Variants in GXYLT2 observed in about 807,000 individuals in gnomAD.
GXYLT2 encodes glucoside xylosyltransferase 2.
GXYLT2 carries 53 observed loss-of-function variants against 45.8 expected under a neutral mutation model. The observed-to-expected ratio is 1.16, with a 90% CI of 0.93 to 1.46. The LOEUF is 1.46. Among genes scored for constraint, GXYLT2 ranks in the 40% most tolerant of loss-of-function variants. GXYLT2 has a pLI of 0.00. For missense variants in GXYLT2, 551 were observed against 544.4 expected (o/e 1.01, Z -0.12); for synonymous variants, 219 against 214.2 (o/e 1.02, Z -0.19).
intron 6 of GXYLT2, among the ~76,000 whole-genome samples, chr3:72,971,965 G>C (rs1575820939): frequency 6.7e-6 from 1 of 149,080 alleles, no homozygotes; most frequent in Admixed American, 6.7e-5. Flanking sequence ...AAAAAAAAAA[G>C]ATATAAGGAA....
At chr3:72,949,636 G>A (rs544250634) in intron 3 of GXYLT2, among the ~76,000 whole-genome samples, 14 of 149,244 alleles carry the variant, frequency 9.4e-5, no homozygotes, top group African/African-American at 2.2e-4. Flanking sequence ...CTCAGCCTCC[G>A]GAGTAGCTGA....
intron 6 of GXYLT2, among the ~76,000 whole-genome samples, chr3:72,971,854 TAGG>T (rs71623995): frequency 0.4 from 59,665 of 150,018 alleles, 14,538 homozygotes; most frequent in Non-Finnish European, 0.54. Context: ...GAGGCTGAGG[TAGG>T]AGAATGGCTT....
chr3:72,947,536 A>T (rs887071663), intron 3 of GXYLT2, among the ~76,000 whole-genome samples: 4 of 152,186 alleles, frequency 2.6e-5, no homozygotes, highest in African/African-American at 9.7e-5. Flanking sequence ...ACAGTGGCTC[A>T]CACCTGTAAT....
At chr3:72,964,143 AAATGTTTTTCTAAC>A (rs1211287538) in intron 5 of GXYLT2, among the ~76,000 whole-genome samples, 1 of 151,830 alleles carries the variant, frequency 6.6e-6, no homozygotes, top group Non-Finnish European at 1.5e-5. Context: ...AATCGAGGTG[AAATGTTTTTCTAAC>A]TTACCACGAT....
At chr3:72,894,540 T>C (rs1709246021) in intron 1 of GXYLT2, among the ~76,000 whole-genome samples, 1 of 152,232 alleles carries the variant, frequency 6.6e-6, no homozygotes, top group Non-Finnish European at 1.5e-5. Context: ...ATGTACCTGA[T>C]AGCAATAGCT....
intron 5 of GXYLT2, among the ~76,000 whole-genome samples, chr3:72,961,177 T>C (rs969981964): frequency 6.6e-6 from 1 of 152,146 alleles, no homozygotes; most frequent in Non-Finnish European, 1.5e-5. Flanking sequence ...CCAACGCAGC[T>C]TCATCAAGGG....
At chr3:72,949,122 T>C (rs1710466239) in intron 3 of GXYLT2, among the ~76,000 whole-genome samples, 1 of 152,124 alleles carries the variant, frequency 6.6e-6, no homozygotes, top group South Asian at 2.1e-4. Context: ...ATTGAACATA[T>C]CTTCCTGTTG....
intron 2 of GXYLT2, among the ~76,000 whole-genome samples, chr3:72,912,013 A>ATTTTTTTTT (rs35108267): frequency 5.2e-5 from 6 of 114,926 alleles, no homozygotes; most frequent in African/African-American, 2.4e-4. Context: ...ATATATATAT[A>ATTTTTTTTT]TTTTTTTTTT....
At chr3:72,929,642 C>G (rs1709987990) in intron 3 of GXYLT2, 3 of 836,360 alleles carry the variant, frequency 3.6e-6, no homozygotes, top group South Asian at 2.7e-5. Context: ...CTTCCCTGGT[C>G]ACCAAGGCAG....
At chr3:72,969,169 A>C (rs1481503604) in intron 6 of GXYLT2, among the ~76,000 whole-genome samples, 2 of 152,064 alleles carry the variant, frequency 1.3e-5, no homozygotes, top group East Asian at 3.9e-4. Context: ...GTGTATGAAC[A>C]TGGCTGTCTG....
At chr3:72,947,756 A>ACTG (rs1710438152) in intron 3 of GXYLT2, among the ~76,000 whole-genome samples, 1 of 152,128 alleles carries the variant, frequency 6.6e-6, no homozygotes, top group Non-Finnish European at 1.5e-5. Context: ...AGCCAAGGTC[A>ACTG]CACCATTGCA....
At chr3:72,966,807 G>C (rs1163687107) in intron 5 of GXYLT2, among the ~76,000 whole-genome samples, 1 of 151,912 alleles carries the variant, frequency 6.6e-6, no homozygotes, top group South Asian at 2.1e-4. Context: ...TGTATTTTTA[G>C]TAGAGACAGG....
intron 2 of GXYLT2, among the ~76,000 whole-genome samples, chr3:72,914,989 C>T (rs1010240740): frequency 8.6e-5 from 13 of 152,034 alleles, no homozygotes; most frequent in African/African-American, 3.1e-4. Flanking sequence ...CCCGTCTCTA[C>T]TAAAAATACA....
intron 6 of GXYLT2, 124 bp downstream of exon 6, chr3:72,967,843 C>A: frequency 1.3e-6 from 1 of 741,944 alleles, no homozygotes; most frequent in Non-Finnish European, 2.2e-6. Flanking sequence ...CAGTTATTCC[C>A]GACCTCAGTC....
At position 72,896,411 on chromosome 3, in the gene GXYLT2, A is replaced by T. The variant is rs532740576; in HGVS notation, c.275+7903A>T. On this transcript the variant is annotated intron_variant, in intron 1 of 6. Transcript: ENST00000389617. Reference sequence around the variant, plus strand: ...GCAATATAGTGAGACACCCATCTCTATTTCAGTTTTATATCTTTTAAAAAA... The same window carrying T: ...GCAATATAGTGAGACACCCATCTCTTTTTCAGTTTTATATCTTTTAAAAAA... Among the ~76,000 whole-genome samples, 8 of 151,842 alleles carry T rather than the reference A, an allele frequency of 5.3e-5. No homozygotes were observed. The South Asian group carries it at 1.7e-3, about 32-fold the overall frequency.
intron 3 of GXYLT2, among the ~76,000 whole-genome samples, chr3:72,954,078 A>G (rs1249544525): frequency 6.6e-6 from 1 of 152,098 alleles, no homozygotes; most frequent in Non-Finnish European, 1.5e-5. Flanking sequence ...ACAACAGAGC[A>G]AGACCCTCAT....
chr3:72,905,978 ATTTAAGAT>A (rs1453981858), intron 1 of GXYLT2, among the ~76,000 whole-genome samples: 1 of 152,218 alleles, frequency 6.6e-6, no homozygotes, highest in Non-Finnish European at 1.5e-5. Context: ...GGGTATTCAT[ATTTAAGAT>A]ATCTAAGTGA....
intron 5 of GXYLT2, among the ~76,000 whole-genome samples, chr3:72,959,106 CTTTTTTTTTTT>C (rs55680713): frequency 8.3e-5 from 5 of 59,992 alleles, no homozygotes; most frequent in South Asian, 5.9e-4. Context: ...CCACACCCAG[CTTTTTTTTTTT>C]TTTTTTTTTT....
chr3:72,976,483 A>G lies in GXYLT2; in HGVS notation c.*1324A>G, dbSNP rs1711105629. 1.3e-5 allele frequency: 2 copies of G among 152,214 alleles called. No individual in the cohort carries two copies. Among genetic ancestry groups the G allele is most frequent in the Non-Finnish European group, 2.9e-5 (2 of 68,044 alleles). 9.4% of individuals were successfully genotyped at this position (152,214 alleles called of 1,614,324 possible). A position where few individuals can be genotyped will look rare whatever the true frequency, so the allele number is the denominator to read the frequency against. On this transcript the variant is annotated 3_prime_UTR_variant, in exon 7 of 7. Transcript: ENST00000389617. The stretch of plus-strand genomic sequence containing the variant: ...AAAAACAAATAGTTCAGCTGCTTCT[A>G]TTGGTAAGAAAATTCAACTTCCTAC...
Sources: allele counts gnomAD v4.1 joint callset (sites outside exome capture counted in the v4.1 genomes callset), GRCh38; gene constraint gnomAD v4.1.1; transcripts MANE v1.5; gene names NCBI Gene and HGNC (gene_info 2026-07-23, HGNC 2026-07-21).